CSNK2A2IP: variants seen among roughly 807,000 people sequenced by gnomAD.
The protein encoded by CSNK2A2IP is casein kinase II subunit alpha'-interacting protein.
the CSNK2A2IP span, among the ~76,000 whole-genome samples, chr3:88,372,412 T>G: frequency 4.6e-5 from 7 of 151,622 alleles, no homozygotes; most frequent in Admixed American, 2.6e-4. Flanking sequence ...ACCAAAAATG[T>G]CAATATTTAA....
the CSNK2A2IP span, chr3:88,465,807 A>T: frequency 1.6e-6 from 2 of 1,231,702 alleles, no homozygotes; most frequent in Non-Finnish European, 2.0e-6. Flanking sequence ...CCCTGAGTTT[A>T]CAATTACCCT....
the CSNK2A2IP span, among the ~76,000 whole-genome samples, chr3:88,339,267 A>G: frequency 6.7e-6 from 1 of 149,434 alleles, no homozygotes; most frequent in Non-Finnish European, 1.5e-5. Flanking sequence ...TCATGAGTTC[A>G]TTTTTTTTTT....
chr3:88,466,636 G>C, the CSNK2A2IP span: 8 of 1,229,284 alleles, frequency 6.5e-6, no homozygotes, highest in African/African-American at 1.6e-5. Context: ...AGGTGGAACT[G>C]TCCCTGATGA....
chr3:88,455,007 T>G, the CSNK2A2IP span, among the ~76,000 whole-genome samples: 12 of 151,984 alleles, frequency 7.9e-5, no homozygotes, highest in Admixed American at 6.6e-5. Flanking sequence ...GTCTGTCTTA[T>G]TTCACTTAGT....
At chr3:88,355,103 C>T in the CSNK2A2IP span, among the ~76,000 whole-genome samples, 2 of 151,968 alleles carry the variant, frequency 1.3e-5, no homozygotes, top group East Asian at 1.9e-4. Context: ...TCTTAAGAGT[C>T]GTTATGTCAT....
At chr3:88,386,964 G>A in the CSNK2A2IP span, among the ~76,000 whole-genome samples, 14 of 152,172 alleles carry the variant, frequency 9.2e-5, no homozygotes, top group Admixed American at 2.0e-4. Flanking sequence ...TGGAAATGCA[G>A]TGAAACAAAA....
the CSNK2A2IP span, among the ~76,000 whole-genome samples, chr3:88,362,379 G>A: frequency 1.9e-4 from 29 of 152,266 alleles, no homozygotes; most frequent in Middle Eastern, 3.4e-3. Context: ...AGAAAGCCTT[G>A]GTGGGTTTGG....
the CSNK2A2IP span, among the ~76,000 whole-genome samples, chr3:88,455,820 T>G: frequency 6.6e-6 from 1 of 152,120 alleles, no homozygotes; most frequent in Admixed American, 6.5e-5. Flanking sequence ...TTGTAGGAGT[T>G]TTATGGTTTC....
At chr3:88,371,315 GA>G in the CSNK2A2IP span, among the ~76,000 whole-genome samples, 1 of 151,788 alleles carries the variant, frequency 6.6e-6, no homozygotes, top group African/African-American at 2.4e-5. Flanking sequence ...GAAGGGAAAT[GA>G]GTTATTGCAG....
the CSNK2A2IP span, among the ~76,000 whole-genome samples, chr3:88,436,520 C>A: frequency 1.6e-4 from 25 of 152,128 alleles, no homozygotes; most frequent in South Asian, 4.8e-3. Flanking sequence ...ATGTCTTTTT[C>A]ATTAAACATA....
chr3:88,352,177 G>A, the CSNK2A2IP span, among the ~76,000 whole-genome samples: 2 of 152,074 alleles, frequency 1.3e-5, no homozygotes, highest in Non-Finnish European at 2.9e-5. Context: ...TTTACTAAAT[G>A]TTTTATTGTT....
chr3:88,390,472 TACCTCATTAAGCCGATA>T, the CSNK2A2IP span, among the ~76,000 whole-genome samples: 1 of 152,210 alleles, frequency 6.6e-6, no homozygotes, highest in African/African-American at 2.4e-5. Context: ...AGCTTTGTCA[TACCTCATTAAGCCGATA>T]ACTCAACGTC....
the CSNK2A2IP span, among the ~76,000 whole-genome samples, chr3:88,438,074 CTTT>C: frequency 6.6e-6 from 1 of 152,076 alleles, no homozygotes; most frequent in Non-Finnish European, 1.5e-5. Context: ...TGATTCTACT[CTTT>C]ACAGCTAAAG....
the CSNK2A2IP span, among the ~76,000 whole-genome samples, chr3:88,429,742 T>TTG: frequency 6.6e-5 from 10 of 151,768 alleles, no homozygotes; most frequent in Non-Finnish European, 1.0e-4. Flanking sequence ...GAGCATTTTT[T>TTG]TTGTTGTTGT....
chr3:88,381,901 C>T, the CSNK2A2IP span, among the ~76,000 whole-genome samples: 1 of 152,074 alleles, frequency 6.6e-6, no homozygotes, highest in Non-Finnish European at 1.5e-5. Flanking sequence ...ATTAAATATC[C>T]ACACCTTTTC....
the CSNK2A2IP span, among the ~76,000 whole-genome samples, chr3:88,350,324 A>C: frequency 1.3e-5 from 2 of 152,052 alleles, no homozygotes; most frequent in East Asian, 3.9e-4. Flanking sequence ...ATTGTTTCCT[A>C]AACTGGTTTT....
the CSNK2A2IP span, among the ~76,000 whole-genome samples, chr3:88,445,128 A>G: frequency 6.6e-6 from 1 of 152,174 alleles, no homozygotes; most frequent in African/African-American, 2.4e-5. Context: ...TTATATTTGC[A>G]AATTTTAAGC....
chr3:88,465,646 C>T, the CSNK2A2IP span: 131 of 1,231,662 alleles, frequency 1.1e-4, no homozygotes, highest in Non-Finnish European at 1.2e-4. Flanking sequence ...CCATGCCAAG[C>T]ATCAGAACAC....
the CSNK2A2IP span, among the ~76,000 whole-genome samples, chr3:88,367,611 T>C: frequency 6.6e-6 from 1 of 152,216 alleles, no homozygotes; most frequent in East Asian, 1.9e-4. Flanking sequence ...GCCTTTAACT[T>C]TGTTGAAGAC....
Sources: gnomAD v4.1 joint callset for allele counts (sites outside exome capture counted in the v4.1 genomes callset) on GRCh38, gnomAD v4.1.1 for gene constraint, MANE v1.5 for transcripts, NCBI Gene and HGNC (gene_info 2026-07-23, HGNC 2026-07-21) for gene names.